Variants in NWD2 observed in about 807,000 individuals in gnomAD.
NWD2 encodes NACHT and WD repeat domain containing 2.
Under a neutral mutation model 132.7 loss-of-function variants are expected in NWD2, and 37 were observed. The observed-to-expected ratio is 0.28, with a 90% CI of 0.21 to 0.37. The LOEUF is 0.37. Ranked by LOEUF, NWD2 falls within the 10% of genes least tolerant of loss-of-function variation. The pLI, the probability that NWD2 is intolerant of heterozygous loss-of-function variation, is 1.00. For missense variants in NWD2, 1,592 were observed against 2,122.4 expected (o/e 0.75, Z 4.91); for synonymous variants, 705 against 803.0 (o/e 0.88, Z 2.06).
At chr4:37,322,696 T>C (rs940698923) in intron 1 of NWD2, among the ~76,000 whole-genome samples, 1 of 152,144 alleles carries the variant, frequency 6.6e-6, no homozygotes, top group Non-Finnish European at 1.5e-5. Context: ...GGGGCAAGTA[T>C]GAAAACAGGG....
chr4:37,376,382 A>T (rs1720350828), intron 3 of NWD2, among the ~76,000 whole-genome samples: 1 of 152,234 alleles, frequency 6.6e-6, no homozygotes, highest in African/African-American at 2.4e-5. Flanking sequence ...AATAACACTT[A>T]AAAATATTTT....
At position 37,447,992 on chromosome 4, in the gene NWD2, A is replaced by G. The variant is rs992403505; in HGVS notation, c.*775A>G. 6.6e-6 allele frequency: 1 copy of G among 152,240 alleles called. No homozygotes were observed. Among genetic ancestry groups the G allele is most frequent in the African/African-American group, 2.4e-5 (1 of 41,468 alleles). The allele number at this position is 152,240 out of a possible 1,614,324, so 9.4% of individuals were successfully genotyped here. On this transcript the variant is annotated 3_prime_UTR_variant, in exon 7 of 7. Coordinates refer to ENST00000309447, the MANE Select transcript of NWD2 (RefSeq NM_001144990.2). Reference sequence around the variant, plus strand: ...ATCTTTTCGCATCTTTTTGAAATGCATATTTGTGCTGGGTGTAAAGAAGAT... The same window carrying G: ...ATCTTTTCGCATCTTTTTGAAATGCGTATTTGTGCTGGGTGTAAAGAAGAT...
At chr4:37,375,150 G>C (rs1033719532) in intron 3 of NWD2, among the ~76,000 whole-genome samples, 1 of 152,150 alleles carries the variant, frequency 6.6e-6, no homozygotes, top group East Asian at 1.9e-4. Flanking sequence ...ATAGGCAAAG[G>C]TGTAAAAGTT....
chr4:37,301,282 G>A (rs892298733), intron 1 of NWD2, among the ~76,000 whole-genome samples: 3 of 152,006 alleles, frequency 2.0e-5, no homozygotes, highest in Non-Finnish European at 4.4e-5. Context: ...CTATGAAATG[G>A]AATTTCAGTA....
At chr4:37,422,704 A>T (rs1054781769) in intron 3 of NWD2, among the ~76,000 whole-genome samples, 2 of 152,182 alleles carry the variant, frequency 1.3e-5, no homozygotes, top group Non-Finnish European at 2.9e-5. Flanking sequence ...GATTCTCATG[A>T]TGCACCAGAG....
chr4:37,409,839 A>G (rs996688811), intron 3 of NWD2, among the ~76,000 whole-genome samples: 1 of 152,176 alleles, frequency 6.6e-6, no homozygotes, highest in Non-Finnish European at 1.5e-5. Flanking sequence ...AGAAAAGAGT[A>G]GGGGCCAATA....
intron 1 of NWD2, among the ~76,000 whole-genome samples, chr4:37,275,113 T>G (rs1397669316): frequency 1.3e-5 from 2 of 152,158 alleles, no homozygotes; most frequent in African/African-American, 4.8e-5. Flanking sequence ...TAAAGGGTAT[T>G]CAATTAGGAA....
At position 37,447,168 on chromosome 4, in the gene NWD2, T is replaced by C. The variant is rs1197757533; in HGVS notation, c.5180T>C (p.Val1727Ala). ...AAACACAACTCTTGTTATGAGCGGG[T>C]ATGCTCGGCCCTAGAAGCCAGGGGC... ...SKKHNSCYER[V>A]CSALEARGHS... The change falls in exon 7 of 7, where the codon GTA (valine) becomes GCA (alanine). Residue 1727 changes from valine (V) to alanine (A), a missense_variant. By Grantham distance (64) the Val-to-Ala change is moderately conservative. Around this residue, in one of 7 missense-constraint regions of NWD2, gnomAD observed 257 missense variants for 335.0 expected, o/e 0.77. Coordinates refer to ENST00000309447, the MANE Select transcript of NWD2 (RefSeq NM_001144990.2). 2 of 1,551,250 alleles carry C rather than the reference T, an allele frequency of 1.3e-6. No homozygotes were observed. Among genetic ancestry groups the C allele is most frequent in the Admixed American group, 2.0e-5 (1 of 50,998 alleles).
At chr4:37,398,243 A>G (rs1274050478) in intron 3 of NWD2, among the ~76,000 whole-genome samples, 1 of 152,200 alleles carries the variant, frequency 6.6e-6, no homozygotes, top group Admixed American at 6.5e-5. Flanking sequence ...AATGTGGCAC[A>G]TATACACCAT....
At chr4:37,249,817 T>C (rs1044989171) in intron 1 of NWD2, among the ~76,000 whole-genome samples, 4 of 152,222 alleles carry the variant, frequency 2.6e-5, no homozygotes, top group Non-Finnish European at 4.4e-5. Context: ...CTTGGTTTTC[T>C]TTTGTCTGCA....
At chr4:37,275,083 A>G (rs1717978012) in intron 1 of NWD2, among the ~76,000 whole-genome samples, 1 of 152,206 alleles carries the variant, frequency 6.6e-6, no homozygotes, top group South Asian at 2.1e-4. Context: ...TGGCCAGGGC[A>G]ACCAGGCAGG....
Position 37,445,405 on chromosome 4 carries a change from A to G in NWD2, c.3417A>G (p.Glu1139=). 1 of 1,552,010 alleles carries G rather than the reference A, an allele frequency of 6.4e-7. No individual in the cohort carries two copies. The highest frequency in any genetic ancestry group is 8.7e-7 in the Non-Finnish European group (1 of 1,147,048). ...SGEKLCTVTS[E]FSGGFVKFLL... is the part of the protein sequence containing the mutation. ...AAAAGTTATGTACAGTGACATCAGA[A>G]TTTTCAGGTGGATTTGTGAAGTTTC... The change falls in exon 7 of 7, where the codon GAA becomes GAG. Residue 1139 remains glutamate (E), a synonymous_variant. Coordinates refer to ENST00000309447, the MANE Select transcript of NWD2 (RefSeq NM_001144990.2). The surrounding 1 kb of genome is among the most constrained non-coding windows in gnomAD (Gnocchi z 4.7).
At chr4:37,300,438 T>C (rs1718590733) in intron 1 of NWD2, among the ~76,000 whole-genome samples, 1 of 152,126 alleles carries the variant, frequency 6.6e-6, no homozygotes, top group African/African-American at 2.4e-5. Context: ...CTCATATAGA[T>C]CATACGGGGT....
intron 1 of NWD2, among the ~76,000 whole-genome samples, chr4:37,245,673 G>A (rs1448243098): frequency 6.6e-6 from 1 of 152,022 alleles, no homozygotes; most frequent in Non-Finnish European, 1.5e-5. Flanking sequence ...CAGCTGAGGC[G>A]AGGTGAGTTC....
intron 1 of NWD2, among the ~76,000 whole-genome samples, chr4:37,292,346 G>A (rs10017608): frequency 0.29 from 44,483 of 151,926 alleles, 6,959 homozygotes; most frequent in South Asian, 0.43. Flanking sequence ...GTGACCTTAT[G>A]AAAAAAGGTT....
intron 1 of NWD2, among the ~76,000 whole-genome samples, chr4:37,263,265 A>T (rs1374660867): frequency 6.6e-6 from 1 of 152,168 alleles, no homozygotes; most frequent in African/African-American, 2.4e-5. Flanking sequence ...GGTACCCAAG[A>T]TGATCAAGAA....
intron 3 of NWD2, among the ~76,000 whole-genome samples, chr4:37,382,143 G>C (rs971727948): frequency 1.3e-5 from 2 of 152,198 alleles, no homozygotes; most frequent in Non-Finnish European, 2.9e-5. Flanking sequence ...AGGCCCTAAA[G>C]AAGTTAGTCC....
chr4:37,357,268 G>T (rs189065506), intron 3 of NWD2, among the ~76,000 whole-genome samples: 4 of 152,066 alleles, frequency 2.6e-5, no homozygotes, highest in Admixed American at 2.6e-4. Flanking sequence ...AATTACCAGT[G>T]AGTGCTATGA....
intron 1 of NWD2, among the ~76,000 whole-genome samples, chr4:37,305,916 G>T (rs1480486486): frequency 6.6e-6 from 1 of 152,134 alleles, no homozygotes; most frequent in Non-Finnish European, 1.5e-5. Flanking sequence ...AGTTTGAGAA[G>T]AATTGTTGTT....
Sources: allele counts gnomAD v4.1 joint callset (sites outside exome capture counted in the v4.1 genomes callset), GRCh38; gene constraint gnomAD v4.1.1; regional missense constraint gnomAD v4.1.1; non-coding constraint Gnocchi (gnomAD v3.1); transcripts MANE v1.5; gene names NCBI Gene and HGNC (gene_info 2026-07-23, HGNC 2026-07-21).